The following MGAT5 variants were observed in gnomAD, a reference collection of about 807,000 sequenced individuals.
MGAT5 encodes alpha-1,6-mannosylglycoprotein 6-beta-N-acetylglucosaminyltransferase.
Under a neutral mutation model 94.3 loss-of-function variants are expected in MGAT5, and 30 were observed. That is an observed-to-expected ratio of 0.32 (90% CI 0.24 to 0.43). The LOEUF is 0.43. MGAT5 is among the 20% of genes least tolerant of loss of function. The pLI is 1.00. For missense variants in MGAT5, 691 were observed against 905.5 expected, an observed-to-expected ratio of 0.76 and a Z score of 3.04; for synonymous variants, 310 against 322.9, an observed-to-expected ratio of 0.96 and a Z score of 0.43.
intron 5 of MGAT5, 83 bp from the exon 6 acceptor site, chr2:134,338,176 A>C: frequency 8.4e-7 from 1 of 1,184,878 alleles, no homozygotes. Context: ...AACCCTTTTA[A>C]GTTTTCAGAT....
intron 2 of MGAT5, among the ~76,000 whole-genome samples, chr2:134,291,583 AG>A (rs1685367120): frequency 6.6e-6 from 1 of 152,208 alleles, no homozygotes; most frequent in Non-Finnish European, 1.5e-5. Context: ...ATTCATGACA[AG>A]GAACAGCAGG....
intron 8 of MGAT5, among the ~76,000 whole-genome samples, chr2:134,345,301 T>C (rs1688855408): frequency 6.6e-6 from 1 of 152,238 alleles, no homozygotes; most frequent in South Asian, 2.1e-4. Context: ...CTAATGTTAA[T>C]ACTTAGCCTT....
At chr2:134,291,786 G>A (rs1685381998) in intron 2 of MGAT5, among the ~76,000 whole-genome samples, 2 of 152,192 alleles carry the variant, frequency 1.3e-5, no homozygotes, top group Non-Finnish European at 1.5e-5. Flanking sequence ...ATGACTACTT[G>A]CTTAGTCAGT....
intron 4 of MGAT5, among the ~76,000 whole-genome samples, chr2:134,332,488 G>A (rs1297795803): frequency 1.3e-5 from 2 of 152,148 alleles, no homozygotes; most frequent in African/African-American, 4.8e-5. Context: ...AAAATCCCTA[G>A]AAGAAAACCT....
intron 14 of MGAT5, among the ~76,000 whole-genome samples, chr2:134,435,633 A>G (rs541923937): frequency 5.3e-5 from 8 of 152,148 alleles, no homozygotes; most frequent in Non-Finnish European, 1.0e-4. Flanking sequence ...GCATGTCGTC[A>G]TGGTGACAGC....
chr2:134,288,393 C>T (rs537417879), intron 2 of MGAT5, among the ~76,000 whole-genome samples: 8 of 152,126 alleles, frequency 5.3e-5, no homozygotes, highest in Non-Finnish European at 1.0e-4. Context: ...CACAGCTGTG[C>T]TCCTTTGTTG....
At chr2:134,169,058 C>A (rs976570276) in intron 1 of MGAT5, among the ~76,000 whole-genome samples, 1 of 152,114 alleles carries the variant, frequency 6.6e-6, no homozygotes, top group Non-Finnish European at 1.5e-5. Flanking sequence ...CAGCTGGGCC[C>A]CCTGCACCTG....
chr2:134,194,030 G>A (rs1446585495), intron 1 of MGAT5, among the ~76,000 whole-genome samples: 3 of 152,166 alleles, frequency 2.0e-5, no homozygotes, highest in South Asian at 2.1e-4. Context: ...GGCATTTGCC[G>A]AAAACCTTGA....
intron 1 of MGAT5, among the ~76,000 whole-genome samples, chr2:134,151,100 T>G (rs1015174344): frequency 2.0e-5 from 3 of 152,122 alleles, no homozygotes; most frequent in Admixed American, 6.5e-5. Flanking sequence ...TGCATAATTA[T>G]GCAGCCCATA....
At chr2:134,192,405 CTCAGGTAT>C (rs1233724368) in intron 1 of MGAT5, among the ~76,000 whole-genome samples, 5 of 152,150 alleles carry the variant, frequency 3.3e-5, no homozygotes, top group Non-Finnish European at 7.3e-5. Context: ...CTTTACTTGT[CTCAGGTAT>C]TCTGTCATAG....
rs76625084 is a variant in MGAT5 at position 134,189,503 on chromosome 2, T to C, written c.-142-64759T>C. On this transcript the variant is annotated intron_variant, in intron 1 of 16. Coordinates refer to the MGAT5 transcript ENST00000409645. Reference sequence around the variant, plus strand: ...GCTTCTTGGGAGAAGTGGGCCCAGCTCTTTTCTCATGTTGGTGCTGCTGCT... The same window carrying C: ...GCTTCTTGGGAGAAGTGGGCCCAGCCCTTTTCTCATGTTGGTGCTGCTGCT... Among the ~76,000 whole-genome samples, 2,327 of 152,042 alleles carry C rather than the reference T, an allele frequency of 0.015. 204 individuals are homozygous for C. In the East Asian group the frequency reaches 0.25, roughly 16 times the overall value.
intron 1 of MGAT5, among the ~76,000 whole-genome samples, chr2:134,159,226 G>GTGT (rs1181895846): frequency 6.5e-5 from 3 of 46,342 alleles, no homozygotes; most frequent in Non-Finnish European, 1.8e-4. Context: ...TGTGTGTGTG[G>GTGT]TCCCTGTATT....
intron 1 of MGAT5, among the ~76,000 whole-genome samples, chr2:134,200,446 G>T (rs796981824): frequency 7.9e-5 from 12 of 152,316 alleles, no homozygotes; most frequent in African/African-American, 2.6e-4. Flanking sequence ...GATGGCAGTT[G>T]TTGCCAATTA....
At chr2:134,191,400 G>A (rs948589778) in intron 1 of MGAT5, among the ~76,000 whole-genome samples, 6 of 152,160 alleles carry the variant, frequency 3.9e-5, no homozygotes, top group African/African-American at 4.8e-5. Context: ...TCGCGGGAGC[G>A]CGTGGGTTAT....
chr2:134,409,348 A>G (rs1683517670), intron 11 of MGAT5, among the ~76,000 whole-genome samples: 1 of 152,208 alleles, frequency 6.6e-6, no homozygotes, highest in South Asian at 2.1e-4. Flanking sequence ...AAGGTCCTAT[A>G]AATAGAATAG....
intron 15 of MGAT5, 74 bp from the exon 16 acceptor site, chr2:134,448,575 G>A: frequency 7.2e-7 from 1 of 1,386,070 alleles, no homozygotes; most frequent in Non-Finnish European, 1.0e-6. Context: ...CAAGATGGGG[G>A]CTCACAGGGC....
intron 11 of MGAT5, among the ~76,000 whole-genome samples, chr2:134,408,139 G>A (rs576059955): frequency 4.6e-5 from 7 of 152,258 alleles, no homozygotes; most frequent in Admixed American, 1.3e-4. Flanking sequence ...TGCTGCCTCC[G>A]TGTTGGCGGC....
At chr2:134,191,605 AG>A (rs1218423970) in intron 1 of MGAT5, among the ~76,000 whole-genome samples, 1 of 134,130 alleles carries the variant, frequency 7.5e-6, no homozygotes, top group Non-Finnish European at 1.6e-5. Flanking sequence ...TTCTCATGGG[AG>A]GGTGGGTTCG....
At chr2:134,266,766 A>C (rs1219460419) in intron 1 of MGAT5, among the ~76,000 whole-genome samples, 2 of 152,106 alleles carry the variant, frequency 1.3e-5, no homozygotes, top group African/African-American at 4.8e-5. Context: ...TTTTTTATTA[A>C]CAACATCCTT....
Sources: gnomAD v4.1 joint callset for allele counts (sites outside exome capture counted in the v4.1 genomes callset) on GRCh38, gnomAD v4.1.1 for gene constraint, MANE v1.5 for transcripts, NCBI Gene and HGNC (gene_info 2026-07-23, HGNC 2026-07-21) for gene names.